The following TPRG1 variants were observed in gnomAD, a reference collection of about 807,000 sequenced individuals.
The protein encoded by TPRG1 is tumor protein p63 regulated 1, also known as tumor protein p63-regulated gene 1 protein.
TPRG1 carries 29 observed loss-of-function variants against 29.3 expected under a neutral mutation model. The observed-to-expected ratio is 0.99, with a 90% CI of 0.74 to 1.35. The LOEUF is 1.35. Among genes scored for constraint, TPRG1 ranks in the 40% most tolerant of loss-of-function variants. The pLI is 0.00. For synonymous variants in TPRG1, 130 were observed against 116.8 expected (o/e 1.11, Z -0.73); for missense variants, 327 against 335.0 (o/e 0.98, Z 0.19).
At chr3:189,101,780 A>C (rs1719232114) in intron 1 of TPRG1, among the ~76,000 whole-genome samples, 1 of 150,870 alleles carries the variant, frequency 6.6e-6, no homozygotes, top group African/African-American at 2.4e-5. Flanking sequence ...CAAATTAATA[A>C]TAAAAATAAT....
At chr3:189,310,176 A>G (rs1722256242) in intron 4 of TPRG1, 2 of 358,222 alleles carry the variant, frequency 5.6e-6, no homozygotes, top group South Asian at 5.9e-5. Flanking sequence ...TCACATTTCC[A>G]AGTAGGTGTT....
chr3:189,051,745 G>A (rs895066094), intron 4 of TPRG1, among the ~76,000 whole-genome samples: 6 of 152,026 alleles, frequency 3.9e-5, no homozygotes, highest in African/African-American at 1.4e-4. Context: ...ATAAAAATAG[G>A]CACATAGACC....
chr3:189,015,708 A>G (rs1037251759), intron 3 of TPRG1, among the ~76,000 whole-genome samples: 1 of 152,142 alleles, frequency 6.6e-6, no homozygotes, highest in Non-Finnish European at 1.5e-5. Flanking sequence ...AGGGGCCAGG[A>G]TACAGCTTGG....
chr3:189,105,292 G>T (rs761301907), intron 1 of TPRG1, among the ~76,000 whole-genome samples: 9 of 152,084 alleles, frequency 5.9e-5, no homozygotes, highest in Non-Finnish European at 1.2e-4. Context: ...GCTTACTCAT[G>T]ATGTTGGTCC....
chr3:189,218,513 G>A (rs1266265098), intron 3 of TPRG1, among the ~76,000 whole-genome samples: 1 of 152,182 alleles, frequency 6.6e-6, no homozygotes, highest in Non-Finnish European at 1.5e-5. Flanking sequence ...TGCTTGTCTA[G>A]CAACAGGGCT....
chr3:189,039,058 G>C (rs1288494291), intron 4 of TPRG1, among the ~76,000 whole-genome samples: 1 of 152,226 alleles, frequency 6.6e-6, no homozygotes, highest in Admixed American at 6.5e-5. Context: ...CAATCTGTTG[G>C]AAGTATATGT....
intron 4 of TPRG1, among the ~76,000 whole-genome samples, chr3:189,063,016 A>G (rs1716214863): frequency 1.3e-5 from 2 of 152,136 alleles, no homozygotes; most frequent in African/African-American, 4.8e-5. Flanking sequence ...TGATTACAAG[A>G]AATTCACTTT....
intron 4 of TPRG1, among the ~76,000 whole-genome samples, chr3:189,059,980 C>T (rs749013797): frequency 3.3e-5 from 5 of 152,200 alleles, no homozygotes; most frequent in Admixed American, 6.5e-5. Context: ...CGCCTGTAAG[C>T]CCAGCACTTT....
intron 4 of TPRG1, among the ~76,000 whole-genome samples, chr3:189,029,113 T>A (rs1713811075): frequency 6.6e-6 from 1 of 152,108 alleles, no homozygotes; most frequent in South Asian, 2.1e-4. Flanking sequence ...CAATAAAAAT[T>A]GAGCCTTTTT....
At chr3:189,213,086 A>T (rs1306217418) in intron 2 of TPRG1, among the ~76,000 whole-genome samples, 1 of 152,196 alleles carries the variant, frequency 6.6e-6, no homozygotes, top group African/African-American at 2.4e-5. Context: ...TACAGTAAAC[A>T]TTTGATCCCC....
intron 4 of TPRG1, among the ~76,000 whole-genome samples, chr3:189,291,937 G>A (rs1300561167): frequency 1.3e-5 from 2 of 152,122 alleles, no homozygotes; most frequent in African/African-American, 4.8e-5. Flanking sequence ...CAGAGCTCTG[G>A]GTAGGCTTCT....
At chr3:189,217,324 T>A (rs1330496521) in intron 3 of TPRG1, among the ~76,000 whole-genome samples, 1 of 152,220 alleles carries the variant, frequency 6.6e-6, no homozygotes, top group Non-Finnish European at 1.5e-5. Context: ...CAAAAGTTGG[T>A]AAAGCCTATC....
At chr3:189,099,578 G>C (rs1718941371), upstream of TPRG1, among the ~76,000 whole-genome samples, 1 of 152,128 alleles carries the variant, frequency 6.6e-6, no homozygotes, top group Non-Finnish European at 1.5e-5. Context: ...TGTTTTAGTT[G>C]TTTATGTGGT....
chr3:189,199,928 A>G (rs186397386), intron 1 of TPRG1, among the ~76,000 whole-genome samples: 1 of 152,186 alleles, frequency 6.6e-6, no homozygotes, highest in African/African-American at 2.4e-5. Context: ...AATGAATAGT[A>G]TCCAGGAGCA....
chr3:189,237,362 G>T (rs1739676524), intron 3 of TPRG1, among the ~76,000 whole-genome samples: 1 of 151,968 alleles, frequency 6.6e-6, no homozygotes, highest in Non-Finnish European at 1.5e-5. Flanking sequence ...GTACTTATTA[G>T]CATTTCCCTA....
chr3:189,196,211 T>C (rs1187592710), intron 1 of TPRG1, among the ~76,000 whole-genome samples: 2 of 152,174 alleles, frequency 1.3e-5, no homozygotes, highest in African/African-American at 4.8e-5. Flanking sequence ...AAAATGAAGA[T>C]GTTGAGTTAG....
At chr3:189,195,709 C>T (rs932082614) in intron 1 of TPRG1, among the ~76,000 whole-genome samples, 1 of 152,178 alleles carries the variant, frequency 6.6e-6, no homozygotes, top group Non-Finnish European at 1.5e-5. Flanking sequence ...GGGTTGAAAT[C>T]TATTGGTGTC....
At chr3:189,130,241 A>C (rs1722956106) in intron 2 of TPRG1, among the ~76,000 whole-genome samples, 1 of 152,212 alleles carries the variant, frequency 6.6e-6, no homozygotes, top group African/African-American at 2.4e-5. Flanking sequence ...GATCTTTCTC[A>C]TAATTTATAG....
At chr3:189,007,903 G>C (rs1437953473) in intron 3 of TPRG1, among the ~76,000 whole-genome samples, 4 of 114,304 alleles carry the variant, frequency 3.5e-5, no homozygotes, top group African/African-American at 3.4e-5. Context: ...GTGGTGGGGT[G>C]GGGGGAGGGG....
Sources: allele counts gnomAD v4.1 joint callset (sites outside exome capture counted in the v4.1 genomes callset), GRCh38; gene constraint gnomAD v4.1.1; transcripts MANE v1.5; gene names NCBI Gene and HGNC (gene_info 2026-07-23, HGNC 2026-07-21).